FAM135B: variants seen among roughly 807,000 people sequenced by gnomAD.
FAM135B encodes the protein family with sequence similarity 135 member B.
Under a neutral mutation model 127.7 loss-of-function variants are expected in FAM135B, and 43 were observed. That is an observed-to-expected ratio of 0.34 (90% CI 0.26 to 0.43). The LOEUF (loss-of-function observed/expected upper bound fraction) is 0.43, where lower values mean the gene tolerates loss of function less well. Among genes scored for constraint, FAM135B ranks in the 20% least tolerant of loss-of-function variants. FAM135B has a pLI of 1.00. For missense variants in FAM135B, 1,558 were observed against 1,725.6 expected, an observed-to-expected ratio of 0.90 and a Z score of 1.72; for synonymous variants, 670 against 665.1, an observed-to-expected ratio of 1.01 and a Z score of -0.11.
In FAM135B at chr8:138,314,879, CAAAA is replaced by C. The variant is rs35189245; in HGVS notation, c.78-3963_78-3960del. 1.7e-3 allele frequency among the ~76,000 whole-genome samples: 146 copies of C among 85,484 alleles called. 1 individual carries two copies. The highest frequency in any genetic ancestry group is 0.013 in the East Asian group (45 of 3,560). 56.1% of individuals were successfully genotyped at this position (85,484 alleles called of 152,430 possible). ...TGGTTGTCAGGCGGAGACCTTACCTCAAAAAAAAAAAAAAAAAAAAAAATTCGAA... is the reference window on the plus strand; with the variant it reads ...TGGTTGTCAGGCGGAGACCTTACCTCAAAAAAAAAAAAAAAAAAATTCGAA... On this transcript the variant is annotated intron_variant, in intron 2 of 19. Coordinates refer to ENST00000395297, the MANE Select transcript of FAM135B (RefSeq NM_015912.4).
chr8:138,227,579 G>A (rs1363611368), intron 7 of FAM135B, among the ~76,000 whole-genome samples: 1 of 152,124 alleles, frequency 6.6e-6, no homozygotes, highest in Non-Finnish European at 1.5e-5. Flanking sequence ...AACTGCACAA[G>A]CTTAATGTAT....
chr8:138,162,538 G>A (rs567673643), intron 12 of FAM135B, among the ~76,000 whole-genome samples: 1 of 152,334 alleles, frequency 6.6e-6, no homozygotes, highest in East Asian at 1.9e-4. Flanking sequence ...AGAAGGCTAT[G>A]CATGTGAGGG....
At chr8:138,405,707 A>G (rs1387327191) in intron 1 of FAM135B, among the ~76,000 whole-genome samples, 1 of 152,184 alleles carries the variant, frequency 6.6e-6, no homozygotes, top group East Asian at 1.9e-4. Context: ...AACATGATTT[A>G]TAGTCCTTTG....
intron 7 of FAM135B, among the ~76,000 whole-genome samples, chr8:138,207,653 C>T (rs1294930388): frequency 1.3e-5 from 2 of 152,180 alleles, no homozygotes; most frequent in African/African-American, 2.4e-5. Context: ...TAGGAAGGCA[C>T]ATACTGTGGG....
chr8:138,147,385 A>G (rs932884011), intron 14 of FAM135B, among the ~76,000 whole-genome samples: 3 of 152,324 alleles, frequency 2.0e-5, no homozygotes, highest in Non-Finnish European at 4.4e-5. Context: ...AACTTTCTGC[A>G]ACTTAAAATT....
intron 3 of FAM135B, among the ~76,000 whole-genome samples, chr8:138,304,687 G>C (rs917181115): frequency 2.6e-5 from 4 of 152,210 alleles, no homozygotes; most frequent in Non-Finnish European, 5.9e-5. Context: ...GCTCCTGAAG[G>C]AGGGCCCTAG....
intron 4 of FAM135B, 126 bp downstream of exon 4, chr8:138,265,577 G>C: frequency 9.7e-7 from 1 of 1,034,904 alleles, no homozygotes; most frequent in Non-Finnish European, 1.4e-6. Flanking sequence ...TGCACTAAAA[G>C]CACTAATCTC....
At chr8:138,407,780 T>C (rs7817935) in intron 1 of FAM135B, among the ~76,000 whole-genome samples, 60,756 of 151,920 alleles carry the variant, frequency 0.4, 12,640 homozygotes, top group African/African-American at 0.52. Flanking sequence ...AAGACTTAAA[T>C]GTTAGACCTG....
chr8:138,437,970 C>A (rs999683265), intron 1 of FAM135B: 8 of 152,168 alleles, frequency 5.3e-5, no homozygotes, highest in African/African-American at 1.9e-4. Flanking sequence ...ATGCTGAAAT[C>A]ACCTGTTCTC....
intron 12 of FAM135B, among the ~76,000 whole-genome samples, chr8:138,158,340 T>C (rs972458527): frequency 6.6e-6 from 1 of 152,096 alleles, no homozygotes; most frequent in Non-Finnish European, 1.5e-5. Flanking sequence ...CCTAAAACCA[T>C]AAAAACCCTA....
At chr8:138,249,936 G>T (rs1448238704) in intron 6 of FAM135B, among the ~76,000 whole-genome samples, 1 of 152,214 alleles carries the variant, frequency 6.6e-6, no homozygotes, top group African/African-American at 2.4e-5. Flanking sequence ...GAAGACAGGT[G>T]AGCATGGTAC....
rs114108796 is a variant in FAM135B at position 138,242,153 on chromosome 8, T to A, written c.669+789A>T. ...CAAAATCATGTGAGTCAATTACTTA[T>A]GATAAATCTCTTTGTGTGTGTGTGT... On this transcript the variant is annotated intron_variant, in intron 7 of 19. Transcript: ENST00000395297. This position sits in a 1 kb window ranked among gnomAD's most constrained non-coding sequence, Gnocchi z 9.6. Among the ~76,000 whole-genome samples, 5 of 147,898 alleles carry A rather than the reference T, an allele frequency of 3.4e-5. No homozygotes were observed. The highest frequency in any genetic ancestry group is 1.3e-4 in the African/African-American group (5 of 39,836).
chr8:138,200,184 G>A (rs1816998395), intron 7 of FAM135B, among the ~76,000 whole-genome samples: 1 of 152,212 alleles, frequency 6.6e-6, no homozygotes, highest in South Asian at 2.1e-4. Context: ...TGGATTAAAA[G>A]CTTGTCAAAT....
chr8:138,156,866 T>A (rs1178695089), intron 12 of FAM135B, among the ~76,000 whole-genome samples: 5 of 152,036 alleles, frequency 3.3e-5, no homozygotes, highest in South Asian at 2.1e-4. Context: ...CCACCAGAGG[T>A]ACAAGGAGGA....
At chr8:138,249,166 C>T (rs544397614) in intron 6 of FAM135B, among the ~76,000 whole-genome samples, 4 of 152,272 alleles carry the variant, frequency 2.6e-5, no homozygotes, top group Admixed American at 6.5e-5. Flanking sequence ...ATGCCCTTAA[C>T]TCTGTGTTGA....
At chr8:138,397,424 T>G (rs1246975948) in intron 1 of FAM135B, among the ~76,000 whole-genome samples, 4 of 152,208 alleles carry the variant, frequency 2.6e-5, no homozygotes, top group Non-Finnish European at 5.9e-5. Context: ...TACACAGAGG[T>G]GATGGTTATA....
chr8:138,341,885 C>T (rs1000563574), intron 2 of FAM135B, among the ~76,000 whole-genome samples: 2 of 152,174 alleles, frequency 1.3e-5, no homozygotes, highest in African/African-American at 4.8e-5. Context: ...TCCTCATCTC[C>T]CCAGAAGTTC....
At chr8:138,228,460 AGCT>A (rs1217010974) in intron 7 of FAM135B, among the ~76,000 whole-genome samples, 6 of 151,992 alleles carry the variant, frequency 3.9e-5, no homozygotes, top group Admixed American at 3.9e-4. Flanking sequence ...ACCACTACTG[AGCT>A]GCTAAGAAGT....
intron 1 of FAM135B, among the ~76,000 whole-genome samples, chr8:138,430,046 A>T (rs1835108741): frequency 6.6e-6 from 1 of 152,156 alleles, no homozygotes; most frequent in African/African-American, 2.4e-5. Flanking sequence ...AATTTCAGCC[A>T]ACGCAGCACT....
Sources: gnomAD v4.1 joint callset for allele counts (sites outside exome capture counted in the v4.1 genomes callset) on GRCh38, gnomAD v4.1.1 for gene constraint, Gnocchi (gnomAD v3.1) non-coding constraint, MANE v1.5 for transcripts, NCBI Gene and HGNC (gene_info 2026-07-23, HGNC 2026-07-21) for gene names.